NCBP1: variants seen among roughly 807,000 people sequenced by gnomAD.
The protein encoded by NCBP1 is nuclear cap binding protein subunit 1, also known as nuclear cap-binding protein subunit 1.
Under a neutral mutation model 111.7 loss-of-function variants are expected in NCBP1, and 16 were observed. That is an observed-to-expected ratio of 0.14 (90% CI 0.10 to 0.22). The LOEUF (loss-of-function observed/expected upper bound fraction) is 0.22. Ranked by LOEUF, NCBP1 falls within the 10% of genes least tolerant of loss-of-function variation. NCBP1 has a pLI of 1.00. For missense variants in NCBP1, 607 were observed against 957.5 expected (o/e 0.63, Z 4.83); for synonymous variants, 304 against 314.3 (o/e 0.97, Z 0.35).
In NCBP1 at chr9:97,660,948, T is replaced by A; in HGVS notation, c.1480T>A (p.Ser494Thr). The A allele has an allele frequency of 6.2e-7, 1 of 1,608,696 alleles. No individual in the cohort carries two copies. Among genetic ancestry groups the A allele is most frequent in the Non-Finnish European group, 8.5e-7 (1 of 1,177,798 alleles). ...IYKYGDESSN[S>T]LPGHSVALCL... ...CTTACCCCCAATTCTGTGTTTAGAT[T>A]CTCTTCCTGGACATTCTGTTGCCCT... The change falls in exon 16 of 23, where the codon TCT becomes ACT. Residue 494 changes from serine to threonine, a missense_variant and splice_region_variant. By Grantham distance (58) the Ser-to-Thr change is moderately conservative (BLOSUM62 1). Around this residue, in one of 9 missense-constraint regions of NCBP1, gnomAD observed 282 missense variants for 376.5 expected, o/e 0.75. Coordinates refer to ENST00000375147, the MANE Select transcript of NCBP1 (RefSeq NM_002486.5).
chr9:97,651,404 G>C (rs1827495175), intron 10 of NCBP1, 31 bp downstream of exon 10: 1 of 1,591,552 alleles, frequency 6.3e-7, no homozygotes, highest in Non-Finnish European at 8.6e-7. Context: ...GTGTTTCTGA[G>C]TTTCAGAATC....
At chr9:97,650,810 G>C (rs369447946) in intron 9 of NCBP1, among the ~76,000 whole-genome samples, 1 of 152,092 alleles carries the variant, frequency 6.6e-6, no homozygotes. Context: ...AGTAATAAGC[G>C]TATGATGCCA....
In NCBP1 at chr9:97,641,661, G is replaced by A; in HGVS notation, c.223G>A (p.Val75Ile). The A allele has an allele frequency of 2.5e-6, 4 of 1,599,172 alleles. No homozygotes were observed. Among genetic ancestry groups the A allele is most frequent in the Non-Finnish European group, 3.4e-6 (4 of 1,170,210 alleles). ...KSKILRLLCT[V>I]ARLLPEKLTI... is the part of the protein sequence containing the mutation. ...CAAGATCTTAAGGCTTCTTTGTACA[G>A]TGTATGTATGCAAAAGATTTATGAA... Residue 75 changes from valine to isoleucine, a missense_variant and splice_region_variant, in exon 3 of 23, where the codon GTT becomes ATT. This residue lies in a region of NCBP1 where 185 missense variants were observed against 272.0 expected (regional missense o/e 0.68). Transcript: ENST00000375147.
In NCBP1 at chr9:97,647,508, C is replaced by T. The variant is rs755313839; in HGVS notation, c.628C>T (p.His210Tyr). ...TATCTTTAGAAGACGCCAAAAGACT[C>T]ATGTACCCATGTTACAGGTATGGAC... The part of the protein sequence containing the change: ...ESYLKRRQKT[H>Y]VPMLQVWTAD... Residue 210 changes from histidine to tyrosine, a missense_variant, in exon 7 of 23, where the codon CAT (histidine) becomes TAT (tyrosine). Coordinates refer to ENST00000375147, the MANE Select transcript of NCBP1 (RefSeq NM_002486.5). 1.2e-6 allele frequency: 2 copies of T among 1,612,696 alleles called. No individual in the cohort carries two copies. Among genetic ancestry groups the T allele is most frequent in the Non-Finnish European group, 1.7e-6 (2 of 1,179,146 alleles).
intron 6 of NCBP1, among the ~76,000 whole-genome samples, chr9:97,646,580 A>C (rs545792449): frequency 5.1e-4 from 77 of 152,288 alleles, no homozygotes; most frequent in African/African-American, 1.6e-3. Flanking sequence ...TCACGCCTGT[A>C]ATCCCAGCAC....
chr9:97,647,653 C>A, intron 7 of NCBP1, 92 bp downstream of exon 7: 1 of 1,101,826 alleles, frequency 9.1e-7, no homozygotes, highest in Non-Finnish European at 1.3e-6. Flanking sequence ...TCCATTTTAC[C>A]CTTTGACTGT....
chr9:97,645,291 T>TA, intron 5 of NCBP1, 67 bp downstream of exon 5: 1 of 1,227,632 alleles, frequency 8.1e-7, no homozygotes, highest in Non-Finnish European at 1.2e-6. Flanking sequence ...GGTACTTCCA[T>TA]ATAGTACCAG....
intron 8 of NCBP1, among the ~76,000 whole-genome samples, chr9:97,648,487 G>T (rs73498348): frequency 0.12 from 17,945 of 152,070 alleles, 3,007 homozygotes; most frequent in African/African-American, 0.37. Context: ...TTAGAGCTAC[G>T]TTGGTTTGTG....
At chr9:97,640,577 A>T (rs1486764277) in intron 1 of NCBP1, among the ~76,000 whole-genome samples, 1 of 152,124 alleles carries the variant, frequency 6.6e-6, no homozygotes, top group Non-Finnish European at 1.5e-5. Context: ...AATTTAACAT[A>T]AATAATGCCT....
At chr9:97,668,463 T>TG (rs1328018660) in intron 20 of NCBP1, among the ~76,000 whole-genome samples, 1 of 152,208 alleles carries the variant, frequency 6.6e-6, no homozygotes, top group Admixed American at 6.5e-5. Context: ...TGAGCAGCCT[T>TG]GGCCCATAGG....
chr9:97,639,055 ATACTT>A (rs1827129047), intron 1 of NCBP1, among the ~76,000 whole-genome samples: 2 of 152,314 alleles, frequency 1.3e-5, no homozygotes, highest in Admixed American at 6.5e-5. Context: ...GGTTTGATCT[ATACTT>A]AAGAATCAAG....
Position 97,640,844 on chromosome 9 carries a change from G to T in NCBP1, c.85G>T (p.Asp29Tyr). ...GACCTCTGATGCAAATGAAACTGAA[G>T]ATCATTTGGAATCTTTAATATGTAA... ...RKTSDANETE[D>Y]HLESLICKVG... Residue 29 changes from aspartate (D) to tyrosine (Y), a missense_variant, in exon 2 of 23, where the codon GAT becomes TAT. Coordinates refer to ENST00000375147, the MANE Select transcript of NCBP1 (RefSeq NM_002486.5). 6.2e-7 allele frequency: 1 copy of T among 1,609,506 alleles called. No homozygotes were observed. Among genetic ancestry groups the T allele is most frequent in the Non-Finnish European group, 8.5e-7 (1 of 1,177,778 alleles).
At chr9:97,654,623 G>A (rs991366469) in intron 11 of NCBP1, among the ~76,000 whole-genome samples, 1 of 151,932 alleles carries the variant, frequency 6.6e-6, no homozygotes, top group Non-Finnish European at 1.5e-5. Context: ...ATGCCTGTGC[G>A]TATGGAGGGG....
chr9:97,660,022 T>C (rs967465914), intron 15 of NCBP1, among the ~76,000 whole-genome samples: 6 of 152,202 alleles, frequency 3.9e-5, no homozygotes, highest in Non-Finnish European at 7.3e-5. Context: ...CCAAGCTCAA[T>C]AGCTGTAAAT....
chr9:97,668,356 GA>G (rs1828072583), intron 20 of NCBP1, among the ~76,000 whole-genome samples: 1 of 152,132 alleles, frequency 6.6e-6, no homozygotes. Flanking sequence ...AGCTTTACAG[GA>G]GTATATTGAG....
chr9:97,666,370 CAGGTT>C (rs1379373071), intron 19 of NCBP1, among the ~76,000 whole-genome samples: 55 of 152,274 alleles, frequency 3.6e-4, no homozygotes, highest in African/African-American at 1.2e-3. Context: ...AAATAAGTCT[CAGGTT>C]AGGTCACCAT....
intron 9 of NCBP1, 140 bp downstream of exon 9, chr9:97,650,740 C>A (rs1827475997): frequency 3.1e-6 from 2 of 654,896 alleles, no homozygotes; most frequent in Non-Finnish European, 2.6e-6. Flanking sequence ...TTTCTAAAAA[C>A]ACTTGCTTTA....
chr9:97,665,528 C>G (rs79302593), intron 19 of NCBP1, among the ~76,000 whole-genome samples: 1 of 152,200 alleles, frequency 6.6e-6, no homozygotes, highest in African/African-American at 2.4e-5. Context: ...TAACACCTAG[C>G]TCAAATATTT....
chr9:97,666,037 C>A (rs890213653), intron 19 of NCBP1, among the ~76,000 whole-genome samples: 4 of 152,032 alleles, frequency 2.6e-5, no homozygotes. Flanking sequence ...GGAAGAAAAC[C>A]CATGTGTAAA....
Sources: gnomAD v4.1 joint callset for allele counts (sites outside exome capture counted in the v4.1 genomes callset) on GRCh38, gnomAD v4.1.1 for gene constraint, gnomAD v4.1.1 regional missense constraint, MANE v1.5 for transcripts, NCBI Gene and HGNC (gene_info 2026-07-23, HGNC 2026-07-21) for gene names.